The following ITGAD variants were observed in gnomAD, a reference collection of about 807,000 sequenced individuals.
The protein encoded by ITGAD is integrin alpha-D.
A neutral mutation model predicts 139.0 loss-of-function variants in ITGAD; 105 were observed. That is an observed-to-expected ratio of 0.76 (90% CI 0.65 to 0.89). ITGAD has a LOEUF of 0.89. Ranked by LOEUF, ITGAD falls within the 40% of genes least tolerant of loss-of-function variation. The pLI is 0.00. For missense variants in ITGAD, 1,384 were observed against 1,487.3 expected (o/e 0.93, Z 1.14); for synonymous variants, 569 against 598.3 (o/e 0.95, Z 0.71).
At chr16:31,422,109 T>TC (rs1030021974) in intron 23 of ITGAD, among the ~76,000 whole-genome samples, 4 of 151,556 alleles carry the variant, frequency 2.6e-5, no homozygotes, top group African/African-American at 7.3e-5. Flanking sequence ...GTTTGTATTT[T>TC]TTTTTTTTTT....
chr16:31,426,350 A>C lies in ITGAD; in HGVS notation c.*222A>C. 1 of 486,410 alleles carries C rather than the reference A, an allele frequency of 2.1e-6. No homozygotes were observed. Among genetic ancestry groups the C allele is most frequent in the Non-Finnish European group, 3.7e-6 (1 of 269,152 alleles). The allele number at this position is 486,410 out of a possible 1,614,324, so 30.1% of individuals were successfully genotyped here. A position where few individuals can be genotyped will look rare whatever the true frequency, so the allele number is the denominator to read the frequency against. On this transcript the variant is annotated 3_prime_UTR_variant, in exon 30 of 30. Coordinates refer to ENST00000389202, the MANE Select transcript of ITGAD (RefSeq NM_005353.3). Reference sequence around the variant, plus strand: ...TTACAGAAGCAGGCATGGTGCCAGCATAAATTTTCATATGCTTAAGAATTG... The same window carrying C: ...TTACAGAAGCAGGCATGGTGCCAGCCTAAATTTTCATATGCTTAAGAATTG...
In ITGAD at chr16:31,423,135, C is replaced by T; in HGVS notation, c.2802C>T (p.Tyr934=). The part of the protein sequence containing the change: ...MISRQEESTK[Y]FNFATSDEKK... ...CCAGGCAGGAAGAATCCACCAAGTA[C>T]TTCAACTTTGCAACCTCCGATGAGA... Residue 934 remains tyrosine (Y), a synonymous_variant, in exon 24 of 30, where the codon TAC becomes TAT. Transcript: ENST00000389202. 6.2e-7 allele frequency: 1 copy of T among 1,614,152 alleles called. No individual in the cohort carries two copies. Among genetic ancestry groups the T allele is most frequent in the Admixed American group, 1.7e-5 (1 of 60,028 alleles).
At chr16:31,408,712 C>G (rs2081602856) in intron 10 of ITGAD, 1 of 537,520 alleles carries the variant, frequency 1.9e-6, no homozygotes, top group South Asian at 2.1e-5. Context: ...GTGGAGGAGA[C>G]AGTAAGCAAG....
At chr16:31,405,168 T>C (rs1225386964) in intron 7 of ITGAD, among the ~76,000 whole-genome samples, 9 of 152,154 alleles carry the variant, frequency 5.9e-5, no homozygotes, top group Admixed American at 2.6e-4. Context: ...GTATTTTTAG[T>C]AGAGATGGGG....
At chr16:31,414,006 G>C (rs2081810135) in intron 16 of ITGAD, among the ~76,000 whole-genome samples, 1 of 152,190 alleles carries the variant, frequency 6.6e-6, no homozygotes, top group African/African-American at 2.4e-5. Context: ...GTTCATGAGA[G>C]TGGGGGCCAT....
rs943637594 is a variant in ITGAD, at chr16:31,418,345, G to T, written c.2661G>T (p.Leu887=). The change falls in exon 22 of 30, where the codon CTG becomes CTT. Residue 887 remains leucine (L), a synonymous_variant. Transcript: ENST00000389202. ...VTFDVSYKAT[L]GDRMLMRASA... ...TCGATGTCTCCTACAAGGCCACCCT[G>T]GGAGACAGGATGCTTATGAGGGCCA... 6.2e-7 allele frequency: 1 copy of T among 1,614,034 alleles called. No homozygotes were observed. Among genetic ancestry groups the T allele is most frequent in the East Asian group, 2.2e-5 (1 of 44,870 alleles).
intron 10 of ITGAD, among the ~76,000 whole-genome samples, 188 bp from the exon 11 acceptor site, chr16:31,410,207 T>G (rs1597134572): frequency 6.7e-6 from 1 of 149,538 alleles, no homozygotes; most frequent in East Asian, 2.0e-4. Flanking sequence ...GGGTGGAGAG[T>G]GAGAGGAGAG....
At chr16:31,411,900 C>T (rs1326069137) in intron 14 of ITGAD, among the ~76,000 whole-genome samples, 1 of 152,206 alleles carries the variant, frequency 6.6e-6, no homozygotes, top group East Asian at 1.9e-4. Context: ...ATCACCACTG[C>T]ACTCACTGAA....
At chr16:31,414,246 G>GCCATCCATCCATCCATCCAT (rs34319806) in intron 16 of ITGAD, among the ~76,000 whole-genome samples, 49 of 148,634 alleles carry the variant, frequency 3.3e-4, no homozygotes, top group East Asian at 1.4e-3. Flanking sequence ...CTATTATCTA[G>GCCATCCATCCATCCATCCAT]CCATCCATCC....
rs1597154579 is a variant in ITGAD at position 31,417,935 on chromosome 16, G to T, written c.2500-140G>T. The T allele has an allele frequency of 4.6e-6, 3 of 655,990 alleles. No individual in the cohort carries two copies. The East Asian group carries it at 7.9e-5, about 17-fold the overall frequency. The allele number at this position is 655,990 out of a possible 1,614,324, so 40.6% of individuals were successfully genotyped here. A position where few individuals can be genotyped will look rare whatever the true frequency, so the allele number is the denominator to read the frequency against. ...GCACTCCAGCCTGGGTGACAAGAGT[G>T]AAATCCGTCTCAAAAAAAAACAACA... On this transcript the variant is annotated intron_variant, in intron 20 of 29. Transcript: ENST00000389202.
chr16:31,410,365 C>T lies in ITGAD; in HGVS notation c.1084-30C>T. 3 of 1,613,672 alleles carry T rather than the reference C, an allele frequency of 1.9e-6. No individual in the cohort carries two copies. The South Asian group carries it at 3.3e-5, about 18-fold the overall frequency. ...ATATGCTGTCTTCCCGCTCTAGTCT[C>T]TGCCCAGCCCTGGAATTCTTTCCTC... On this transcript the variant is annotated intron_variant, in intron 10 of 29. Coordinates refer to ENST00000389202, the MANE Select transcript of ITGAD (RefSeq NM_005353.3).
At chr16:31,414,776 C>A (rs2081840172) in intron 17 of ITGAD, 84 bp from the exon 18 acceptor site, 3 of 1,574,126 alleles carry the variant, frequency 1.9e-6, no homozygotes, top group Admixed American at 1.7e-5. Flanking sequence ...ACTGTCAGGG[C>A]AGTGGGGAGT....
intron 2 of ITGAD, 83 bp from the exon 3 acceptor site, chr16:31,397,276 G>C (rs2081287532): frequency 1.1e-6 from 1 of 874,008 alleles, no homozygotes; most frequent in East Asian, 2.7e-5. Context: ...CTTCCCCATG[G>C]AGGGACACTT....
At chr16:31,400,241 A>G (rs1475402198) in intron 5 of ITGAD, among the ~76,000 whole-genome samples, 1 of 152,250 alleles carries the variant, frequency 6.6e-6, no homozygotes, top group Non-Finnish European at 1.5e-5. Flanking sequence ...TGGTGATTGA[A>G]GAAGCAGGAA....
rs1400209961 is a variant in ITGAD at position 31,416,103 on chromosome 16, T to C, written c.2284-110T>C. ...CGCCCCTTGTTGGTGTCCAGCAAAG[T>C]GCTGGGGGCAGTGGCTTAGTAATGC... On this transcript the variant is annotated intron_variant, in intron 18 of 29. Transcript: ENST00000389202. 4 of 821,646 alleles carry C rather than the reference T, an allele frequency of 4.9e-6. No homozygotes were observed. In the African/African-American group the frequency reaches 6.8e-5, roughly 14 times the overall value. 50.9% of individuals were successfully genotyped at this position (821,646 alleles called of 1,614,324 possible).
chr16:31,416,079 G>A (rs888356640), intron 18 of ITGAD, 134 bp from the exon 19 acceptor site: 6 of 589,354 alleles, frequency 1.0e-5, no homozygotes, highest in South Asian at 2.9e-5. Flanking sequence ...CCGCACCTGC[G>A]CCCCTTGTTG....
intron 10 of ITGAD, among the ~76,000 whole-genome samples, chr16:31,410,096 T>C (rs11640148): frequency 0.66 from 100,262 of 151,576 alleles, 33,485 homozygotes; most frequent in Middle Eastern, 0.74. Flanking sequence ...AGGGCCTTGG[T>C]GATGGTTTTC....
At chr16:31,413,484 C>A (rs989476186) in intron 16 of ITGAD, among the ~76,000 whole-genome samples, 3 of 152,310 alleles carry the variant, frequency 2.0e-5, no homozygotes, top group Middle Eastern at 3.4e-3. Flanking sequence ...TGCCTTCCCC[C>A]AGCCCCTGAT....
At chr16:31,423,707 A>G (rs2082053431) in intron 26 of ITGAD, 59 bp downstream of exon 26, 1 of 1,552,062 alleles carries the variant, frequency 6.4e-7, no homozygotes, top group African/African-American at 1.4e-5. Flanking sequence ...ATACTGGGAA[A>G]TGTACTGCTA....
Sources: gnomAD v4.1 joint callset for allele counts (sites outside exome capture counted in the v4.1 genomes callset) on GRCh38, gnomAD v4.1.1 for gene constraint, MANE v1.5 for transcripts, NCBI Gene and HGNC (gene_info 2026-07-23, HGNC 2026-07-21) for gene names.